TMPRSS7: variants seen among roughly 807,000 people sequenced by gnomAD.
TMPRSS7 encodes the protein transmembrane serine protease 7.
A neutral mutation model predicts 95.6 loss-of-function variants in TMPRSS7; 81 were observed. The observed-to-expected ratio is 0.85, with a 90% confidence interval of 0.71 to 1.02. The LOEUF (loss-of-function observed/expected upper bound fraction) is 1.02. TMPRSS7 is among the 50% of genes least tolerant of loss of function. The probability of loss-of-function intolerance (pLI) is 0.00; values close to 1 mark genes in which losing one functional copy is unlikely to be tolerated. For synonymous variants in TMPRSS7, 364 were observed against 337.8 expected (o/e 1.08, Z -0.85); for missense variants, 945 against 955.2 (o/e 0.99, Z 0.14).
intron 13 of TMPRSS7, among the ~76,000 whole-genome samples, chr3:112,070,932 T>G (rs909876759): frequency 4.6e-5 from 7 of 152,264 alleles, no homozygotes; most frequent in Non-Finnish European, 1.0e-4. Context: ...ACTGGGGCAT[T>G]TAGCCCATTT....
intron 11 of TMPRSS7, 99 bp downstream of exon 11, chr3:112,062,022 TTATTTCTGC>T: frequency 1.2e-6 from 1 of 826,142 alleles, no homozygotes; most frequent in South Asian, 4.8e-5. Context: ...GAATACTGCT[TTATTTCTGC>T]TATTTCCTTT....
intron 9 of TMPRSS7, 69 bp downstream of exon 9, chr3:112,050,852 AT>A: frequency 1.3e-6 from 1 of 752,420 alleles, no homozygotes; most frequent in South Asian, 2.2e-5. Context: ...AATTTCATTC[AT>A]TTTTTAATTA....
At chr3:112,050,952 T>C (rs1232373894) in intron 9 of TMPRSS7, among the ~76,000 whole-genome samples, 169 bp downstream of exon 9, 1 of 152,232 alleles carries the variant, frequency 6.6e-6, no homozygotes, top group Non-Finnish European at 1.5e-5. Context: ...TTCAACCCTC[T>C]GCCCACAAAT....
At position 112,050,738 on chromosome 3, in the gene TMPRSS7, C is replaced by A. The variant is rs1308095939; in HGVS notation, c.1158C>A (p.Tyr386Ter). 5.6e-6 allele frequency: 9 copies of A among 1,604,368 alleles called. No individual in the cohort carries two copies. The highest frequency in any genetic ancestry group is 1.7e-5 in the Admixed American group (1 of 57,744). The stretch of plus-strand genomic sequence containing the variant: ...AAGGGAAAATTTCAAGCCCATATTA[C>A]CCGAGCTACTATCCTCCAAAATGCA... The change falls in exon 9 of 18, where the codon TAC becomes TAA. Residue 386 changes from tyrosine (Y) to a stop codon, truncating the protein, a stop_gained. Transcript: ENST00000452346. LOFTEE classifies it high-confidence loss of function.
chr3:112,059,759 A>G (rs753253920), intron 10 of TMPRSS7, among the ~76,000 whole-genome samples: 1 of 152,230 alleles, frequency 6.6e-6, no homozygotes, highest in Admixed American at 6.5e-5. Context: ...ACTTCAGCCA[A>G]TTGCAAAAGA....
At chr3:112,047,415 G>A in intron 6 of TMPRSS7, 1 of 566,334 alleles carries the variant, frequency 1.8e-6, no homozygotes, top group Non-Finnish European at 3.3e-6. Flanking sequence ...CAGAAGTCCT[G>A]GGGCTGACTC....
At chr3:112,066,107 A>G (rs951624882) in intron 12 of TMPRSS7, among the ~76,000 whole-genome samples, 1 of 152,226 alleles carries the variant, frequency 6.6e-6, no homozygotes, top group Non-Finnish European at 1.5e-5. Flanking sequence ...ATCTCCCTTA[A>G]AATAAATTAC....
intron 7 of TMPRSS7, among the ~76,000 whole-genome samples, chr3:112,048,921 G>A (rs886464914): frequency 2.6e-5 from 4 of 152,100 alleles, no homozygotes; most frequent in African/African-American, 9.7e-5. Context: ...GGAACTTAAG[G>A]CCAATTAGTG....
At chr3:112,076,741 C>A (rs1449763354) in intron 15 of TMPRSS7, 135 bp from the exon 16 acceptor site, 3 of 1,051,148 alleles carry the variant, frequency 2.9e-6, no homozygotes, top group East Asian at 2.4e-5. Context: ...GGTCCCCGGA[C>A]AAAGCCAGTG....
chr3:112,079,382 A>G (rs992462703), intron 17 of TMPRSS7, among the ~76,000 whole-genome samples: 20 of 152,226 alleles, frequency 1.3e-4, no homozygotes, highest in Admixed American at 5.2e-4. Context: ...CAATCTATGC[A>G]GTTACCTACA....
intron 3 of TMPRSS7, chr3:112,043,102 G>T (rs1455563852): frequency 2.2e-6 from 1 of 455,960 alleles, no homozygotes; most frequent in East Asian, 6.9e-5. Context: ...TATTTATACA[G>T]TCCTGTGTCG....
intron 2 of TMPRSS7, among the ~76,000 whole-genome samples, chr3:112,040,176 G>T (rs4682348): frequency 6.6e-6 from 1 of 152,014 alleles, no homozygotes; most frequent in Non-Finnish European, 1.5e-5. Flanking sequence ...TGTCTTGAAC[G>T]GTTCAGGTCA....
rs762447110 is a variant in TMPRSS7 at position 112,050,775 on chromosome 3, A to G, written c.1195A>G (p.Lys399Glu). 1.9e-6 allele frequency: 3 copies of G among 1,589,466 alleles called. No homozygotes were observed. The South Asian group carries it at 3.4e-5, about 18-fold the overall frequency. Residue 399 changes from lysine to glutamate, a missense_variant, in exon 9 of 18, where the codon AAA becomes GAA. Physicochemically the swap from Lys to Glu is moderately conservative, Grantham distance 56. Transcript: ENST00000452346. Reference sequence around the variant, plus strand: ...TCCTCCAAAATGCAAGTGTACCTGGAAATTTCAGGTAGCCTAGTTCTACCA... The same window carrying G: ...TCCTCCAAAATGCAAGTGTACCTGGGAATTTCAGGTAGCCTAGTTCTACCA...
intron 3 of TMPRSS7, among the ~76,000 whole-genome samples, 196 bp from the exon 4 acceptor site, chr3:112,044,059 T>C (rs769646551): frequency 2.6e-5 from 4 of 152,194 alleles, no homozygotes; most frequent in Non-Finnish European, 5.9e-5. Flanking sequence ...AGAATGAAAG[T>C]AAGTCACTCA....
Position 112,063,625 on chromosome 3 carries a change from GT to G in TMPRSS7, c.1552del (p.Cys518AlafsTer2). On this transcript the variant is annotated frameshift_variant, in exon 12 of 18. Coordinates refer to ENST00000452346, the Ensembl canonical transcript of TMPRSS7. LOFTEE classifies it high-confidence loss of function. ...ACTGCTTTGATGAAAGTGATGAACTGTTTTGCGGTGGGTATTCAAGATTTTA... is the reference window on the plus strand; with the variant it reads ...ACTGCTTTGATGAAAGTGATGAACTGTTTGCGGTGGGTATTCAAGATTTTA... 6.2e-7 allele frequency: 1 copy of G among 1,613,632 alleles called. No homozygotes were observed. The highest frequency in any genetic ancestry group is 8.5e-7 in the Non-Finnish European group (1 of 1,179,582).
At chr3:112,080,961 A>G in exon 18 of TMPRSS7, 1 of 1,613,846 alleles carries the variant, frequency 6.2e-7, no homozygotes, top group Non-Finnish European at 8.5e-7. Flanking sequence ...GTGATGGAAA[A>G]TGGATTTTGA....
chr3:112,065,460 T>C (rs1261109417), intron 12 of TMPRSS7, among the ~76,000 whole-genome samples: 3 of 152,250 alleles, frequency 2.0e-5, no homozygotes, highest in Non-Finnish European at 4.4e-5. Flanking sequence ...GATCATTATA[T>C]AATGACTGAG....
At chr3:112,079,387 C>T (rs551772698) in intron 17 of TMPRSS7, among the ~76,000 whole-genome samples, 1 of 152,154 alleles carries the variant, frequency 6.6e-6, no homozygotes, top group Non-Finnish European at 1.5e-5. Flanking sequence ...TATGCAGTTA[C>T]CTACATGATT....
intron 10 of TMPRSS7, among the ~76,000 whole-genome samples, chr3:112,058,888 C>A (rs1191464376): frequency 2.0e-5 from 3 of 152,200 alleles, no homozygotes; most frequent in Non-Finnish European, 1.5e-5. Flanking sequence ...TGGCTGAAAT[C>A]CTATCAGATT....
Sources: allele counts gnomAD v4.1 joint callset (sites outside exome capture counted in the v4.1 genomes callset), GRCh38; gene constraint gnomAD v4.1.1; transcripts MANE v1.5; gene names NCBI Gene and HGNC (gene_info 2026-07-23, HGNC 2026-07-21).